The following MEI1 variants were observed in gnomAD, a reference collection of about 807,000 sequenced individuals.
The protein encoded by MEI1 is meiotic double-stranded break formation protein 1.
In MEI1, 103 loss-of-function variants were observed where a neutral mutation model predicts 146.2. The observed-to-expected ratio is 0.70, with a 90% CI of 0.60 to 0.83. MEI1 has a LOEUF of 0.83. Ranked by LOEUF, MEI1 falls within the 40% of genes least tolerant of loss-of-function variation. The pLI is 0.00. For synonymous variants in MEI1, 652 were observed against 628.2 expected, an observed-to-expected ratio of 1.04 and a Z score of -0.57; for missense variants, 1,529 against 1,533.0, an observed-to-expected ratio of 1.00 and a Z score of 0.04.
chr22:41,766,692 A>G (rs2074878692), intron 19 of MEI1, among the ~76,000 whole-genome samples: 1 of 152,010 alleles, frequency 6.6e-6, no homozygotes, highest in Non-Finnish European at 1.5e-5. Context: ...TACCACAGGC[A>G]TGCACCACTG....
At chr22:41,742,301 G>A (rs922739129) in intron 11 of MEI1, among the ~76,000 whole-genome samples, 1 of 152,012 alleles carries the variant, frequency 6.6e-6, no homozygotes, top group South Asian at 2.1e-4. Flanking sequence ...GGTTTTCCTC[G>A]TTGAGTTAAC....
At chr22:41,704,839 C>T (rs760939451) in intron 2 of MEI1, among the ~76,000 whole-genome samples, 2 of 152,080 alleles carry the variant, frequency 1.3e-5, no homozygotes, top group African/African-American at 2.4e-5. Flanking sequence ...CTCAGCTTCC[C>T]GAGTAGCTGG....
intron 19 of MEI1, among the ~76,000 whole-genome samples, chr22:41,768,253 G>GC (rs2074975030): frequency 6.6e-6 from 1 of 152,058 alleles, no homozygotes; most frequent in Non-Finnish European, 1.5e-5. Flanking sequence ...GTGGCGGCAT[G>GC]CGCCTGTAGT....
chr22:41,714,591 C>T lies in MEI1; in HGVS notation c.423+516C>T, dbSNP rs370632999. On this transcript the variant is annotated intron_variant, in intron 4 of 30. Transcript: ENST00000401548. ...CAGTGTAGTCAAAGAAATTAGTTAGCCAGGCACAATGGCTCACACCTGTAA... is the reference window on the plus strand; with the variant it reads ...CAGTGTAGTCAAAGAAATTAGTTAGTCAGGCACAATGGCTCACACCTGTAA... Among the ~76,000 whole-genome samples the T allele has an allele frequency of 1.2e-4, 18 of 152,112 alleles. No homozygotes were observed. The East Asian group carries it at 2.9e-3, about 24-fold the overall frequency.
intron 9 of MEI1, among the ~76,000 whole-genome samples, chr22:41,730,977 C>T (rs1448857341): frequency 2.0e-5 from 3 of 152,054 alleles, no homozygotes; most frequent in Non-Finnish European, 4.4e-5. Context: ...AGATATCTAA[C>T]CATCCAGGTA....
At chr22:41,776,407 C>G (rs2075438747) in intron 21 of MEI1, 140 bp downstream of exon 21, 2 of 892,872 alleles carry the variant, frequency 2.2e-6, no homozygotes, top group Non-Finnish European at 3.4e-6. Flanking sequence ...TGGCATCAAG[C>G]TAAACTTCAC....
chr22:41,711,363 C>T (rs919185514), intron 3 of MEI1, among the ~76,000 whole-genome samples: 3 of 152,050 alleles, frequency 2.0e-5, no homozygotes, highest in African/African-American at 7.2e-5. Flanking sequence ...TTAGTAGAGA[C>T]GATTTCACCG....
chr22:41,721,030 C>T (rs1279056201), intron 6 of MEI1, among the ~76,000 whole-genome samples: 2 of 151,588 alleles, frequency 1.3e-5, no homozygotes, highest in Non-Finnish European at 1.5e-5. Flanking sequence ...CCACCCACCT[C>T]GGCCTCCCAA....
At chr22:41,773,165 C>T (rs997178993) in intron 20 of MEI1, among the ~76,000 whole-genome samples, 1 of 152,166 alleles carries the variant, frequency 6.6e-6, no homozygotes, top group Non-Finnish European at 1.5e-5. Context: ...GTGCACCATC[C>T]TTATCACCTC....
At chr22:41,798,645 T>A (rs1358710052) in intron 30 of MEI1, among the ~76,000 whole-genome samples, 2 of 151,192 alleles carry the variant, frequency 1.3e-5, no homozygotes, top group African/African-American at 4.9e-5. Flanking sequence ...GGTGAGTGGA[T>A]CACTTGAGGT....
intron 30 of MEI1, among the ~76,000 whole-genome samples, chr22:41,797,861 A>G (rs1005606828): frequency 2.0e-5 from 3 of 152,122 alleles, no homozygotes; most frequent in African/African-American, 7.2e-5. Flanking sequence ...TAAAGCACCA[A>G]AAACAGCTCC....
intron 7 of MEI1, among the ~76,000 whole-genome samples, chr22:41,727,432 A>G (rs1467947543): frequency 6.6e-6 from 1 of 152,168 alleles, no homozygotes; most frequent in Non-Finnish European, 1.5e-5. Flanking sequence ...GTGCAATGGA[A>G]ATTCACTGAG....
rs758180354 is a variant in MEI1 at position 41,754,040 on chromosome 22, A to G, written c.1945A>G (p.Lys649Glu). The G allele has an allele frequency of 1.2e-6, 2 of 1,607,838 alleles. No individual in the cohort carries two copies. The highest frequency in any genetic ancestry group is 2.2e-5 in the South Asian group (2 of 90,978). ...SAPEKTGPPS[K>E]EELSAVSELL... is the part of the protein sequence containing the mutation. ...TCCAGAGAAGACAGGACCACCTTCC[A>G]AAGAAGGTAAGATGCTACAATTTGA... Residue 649 changes from lysine to glutamate, a missense_variant, in exon 17 of 31, where the codon AAA becomes GAA. By Grantham distance (56) the Lys-to-Glu change is moderately conservative. Around this residue, in one of 3 missense-constraint regions of MEI1, gnomAD observed 1,212 missense variants for 1,178.9 expected, o/e 1.03. Coordinates refer to ENST00000401548, the MANE Select transcript of MEI1 (RefSeq NM_152513.4).
chr22:41,732,722 C>T (rs2071971749), intron 11 of MEI1, 119 bp downstream of exon 11: 1 of 1,150,016 alleles, frequency 8.7e-7, no homozygotes, highest in Non-Finnish European at 1.2e-6. Context: ...TATAGTTGGC[C>T]CTTCATAATT....
In MEI1 at chr22:41,797,251, G is replaced by A. The variant is rs895362405; in HGVS notation, c.3779+1404G>A. Among the ~76,000 whole-genome samples, 7 of 152,050 alleles carry A rather than the reference G, an allele frequency of 4.6e-5. No individual in the cohort carries two copies. In the East Asian group the frequency reaches 1.2e-3, roughly 26 times the overall value. On this transcript the variant is annotated intron_variant, in intron 30 of 30. Coordinates refer to ENST00000401548, the MANE Select transcript of MEI1 (RefSeq NM_152513.4). ...TGATCTGCCTGCCTTGGCCTCCCAA[G>A]TGCTGGGATTACAGGCATGAGCCAC...
chr22:41,703,271 T>A, intron 1 of MEI1, 60 bp from the exon 2 acceptor site: 1 of 1,574,838 alleles, frequency 6.3e-7, no homozygotes, highest in Non-Finnish European at 8.6e-7. Context: ...ATTACGGTTG[T>A]TGGATTCAGA....
chr22:41,704,575 G>A (rs1052912025), intron 2 of MEI1, among the ~76,000 whole-genome samples: 2 of 151,792 alleles, frequency 1.3e-5, no homozygotes, highest in African/African-American at 2.4e-5. Flanking sequence ...CACCATGCCC[G>A]GCCAATTTTT....
intron 18 of MEI1, among the ~76,000 whole-genome samples, chr22:41,760,928 G>A (rs1389324778): frequency 6.6e-6 from 1 of 151,534 alleles, no homozygotes; most frequent in Non-Finnish European, 1.5e-5. Flanking sequence ...TGGGCCTGGC[G>A]CCGGGCTGCC....
At chr22:41,782,954 C>T (rs949426572) in intron 24 of MEI1, among the ~76,000 whole-genome samples, 5 of 152,264 alleles carry the variant, frequency 3.3e-5, no homozygotes, top group South Asian at 4.1e-4. Context: ...CGCCTCTTCC[C>T]TCCTCTGCAT....
Sources: gnomAD v4.1 joint callset for allele counts (sites outside exome capture counted in the v4.1 genomes callset) on GRCh38, gnomAD v4.1.1 for gene constraint, gnomAD v4.1.1 regional missense constraint, MANE v1.5 for transcripts, NCBI Gene and HGNC (gene_info 2026-07-23, HGNC 2026-07-21) for gene names.